PARP4: variants seen among roughly 807,000 people sequenced by gnomAD.
PARP4 encodes the protein poly(ADP-ribose) polymerase family member 4.
PARP4 carries 120 observed loss-of-function variants against 187.7 expected under a neutral mutation model. The ratio of observed to expected loss-of-function variants is 0.64; its 90% CI spans 0.55 to 0.74. PARP4 has a LOEUF of 0.74. Ranked by LOEUF, PARP4 falls within the 30% of genes least tolerant of loss-of-function variation. The pLI, the probability that PARP4 is intolerant of heterozygous loss-of-function variation, is 0.00. For missense variants in PARP4, 1,836 were observed against 2,070.5 expected, an observed-to-expected ratio of 0.89 and a Z score of 2.20; for synonymous variants, 654 against 740.9, an observed-to-expected ratio of 0.88 and a Z score of 1.90.
chr13:24,471,792 C>T (rs1007626539), intron 15 of PARP4, among the ~76,000 whole-genome samples: 3 of 152,156 alleles, frequency 2.0e-5, no homozygotes, highest in Admixed American at 1.3e-4. Flanking sequence ...AGGACACACG[C>T]CTCTCCCTGT....
At chr13:24,490,584 G>C (rs1192108550) in intron 10 of PARP4, 84 bp downstream of exon 10, 4 of 1,022,082 alleles carry the variant, frequency 3.9e-6, no homozygotes, top group African/African-American at 1.6e-5. Flanking sequence ...AGATTATCTA[G>C]GTAATTACTG....
Position 24,453,225 on chromosome 13 carries a change from C to T in PARP4, c.2826+362G>A, listed in dbSNP as rs539375311. Among the ~76,000 whole-genome samples the T allele has an allele frequency of 3.3e-5, 5 of 151,680 alleles. No homozygotes were observed. In the South Asian group the frequency reaches 6.2e-4, roughly 19 times the overall value. ...TGCTGAGATTACAGGTGTGAGACAC[C>T]ACACCCAGCATTTCTTTTTTCTTTC... On this transcript the variant is annotated intron_variant, in intron 23 of 33. Coordinates refer to ENST00000381989, the MANE Select transcript of PARP4 (RefSeq NM_006437.4).
chr13:24,424,882 A>G (rs1869943149), intron 33 of PARP4, among the ~76,000 whole-genome samples: 1 of 150,172 alleles, frequency 6.7e-6, no homozygotes, highest in Non-Finnish European at 1.5e-5. Context: ...ACAGGGTTTC[A>G]CCATGTTAGC....
chr13:24,447,026 T>C lies in PARP4; in HGVS notation c.3275A>G (p.His1092Arg). ...DRLLVYGFIPHCTQATLCALI... is the reference protein window; with the variant it reads ...DRLLVYGFIPRCTQATLCALI... ...TCTGCGTCTTCTTACCTGTGTGCAG[T>C]GAGGAATGAATCCATAGACAAGGAG... The change falls in exon 26 of 34, where the codon CAC becomes CGC. Residue 1092 changes from histidine (H) to arginine (R), a missense_variant. His to Arg is a conservative substitution (Grantham distance 29). Coordinates refer to ENST00000381989, the MANE Select transcript of PARP4 (RefSeq NM_006437.4). 1.3e-6 allele frequency: 2 copies of C among 1,591,402 alleles called. No homozygotes were observed. The highest frequency in any genetic ancestry group is 8.5e-7 in the Non-Finnish European group (1 of 1,171,320).
rs9553299 is a variant in PARP4, at chr13:24,447,954, C to T, written c.3115-768G>A. On this transcript the variant is annotated intron_variant, in intron 25 of 33. Transcript: ENST00000381989. ...GGGCAGAGTGGCTCATGCCTGTAAT[C>T]CCAGCACTTTGGGAGGCCAAGGCAG... Among the ~76,000 whole-genome samples the T allele has an allele frequency of 1.2e-3, 188 of 152,260 alleles. 1 individual carries two copies. The East Asian group carries it at 0.035, about 28-fold the overall frequency.
chr13:24,435,048 T>C lies in PARP4; in HGVS notation c.4093A>G (p.Ser1365Gly). The C allele has an allele frequency of 2.5e-6, 4 of 1,613,996 alleles. No homozygotes were observed. Among genetic ancestry groups the C allele is most frequent in the Non-Finnish European group, 3.4e-6 (4 of 1,180,026 alleles). Residue 1365 changes from serine to glycine, a missense_variant, in exon 31 of 34, where the codon AGC becomes GGC. Physicochemically the swap from Ser to Gly is moderately conservative, Grantham distance 56. Around this residue, in one of 8 missense-constraint regions of PARP4, gnomAD observed 450 missense variants for 439.2 expected, o/e 1.02. Coordinates refer to ENST00000381989, the MANE Select transcript of PARP4 (RefSeq NM_006437.4). Reference protein sequence around the residue: ...PPRQFDASQFSQGPVPGTCAD... With the variant: ...PPRQFDASQFGQGPVPGTCAD... Reference sequence around the variant, plus strand: ...CAAGTGCCAGGCACAGGGCCTTGGCTGAATTGAGATGCATCAAACTGTCTG... The same window carrying C: ...CAAGTGCCAGGCACAGGGCCTTGGCCGAATTGAGATGCATCAAACTGTCTG...
At chr13:24,500,460 G>T in intron 3 of PARP4, 78 bp from the exon 4 acceptor site, 1 of 878,090 alleles carries the variant, frequency 1.1e-6, no homozygotes, top group Non-Finnish European at 1.8e-6. Context: ...TGCTGGAATT[G>T]TTAAGATTCA....
Position 24,435,097 on chromosome 13 carries a change from A to G in PARP4, c.4044T>C (p.Ala1348=). 6.2e-7 allele frequency: 1 copy of G among 1,614,218 alleles called. No individual in the cohort carries two copies. The highest frequency in any genetic ancestry group is 8.5e-7 in the Non-Finnish European group (1 of 1,180,044). The part of the protein sequence containing the change: ...SLSFASYRQV[A]SFGSAAPPRQ... Reference sequence around the variant, plus strand: ...TGGGAGGAGCAGCTGAACCGAAACTAGCTACCTGACGATATGAGGCAAAAG... The same window carrying G: ...TGGGAGGAGCAGCTGAACCGAAACTGGCTACCTGACGATATGAGGCAAAAG... Residue 1348 remains alanine (A), a synonymous_variant, in exon 31 of 34, where the codon GCT becomes GCC. Transcript: ENST00000381989.
intron 32 of PARP4, among the ~76,000 whole-genome samples, chr13:24,429,360 G>A (rs1565985653): frequency 1.3e-5 from 2 of 152,000 alleles, no homozygotes; most frequent in Non-Finnish European, 2.9e-5. Context: ...TGATCATATT[G>A]TCCTGCTTCT....
intron 5 of PARP4, among the ~76,000 whole-genome samples, chr13:24,499,055 T>C (rs1401938435): frequency 6.6e-6 from 1 of 152,110 alleles, no homozygotes; most frequent in African/African-American, 2.4e-5. Context: ...TCCCAGCACT[T>C]TGGGAGGCTA....
intron 12 of PARP4, 79 bp from the exon 13 acceptor site, chr13:24,478,355 G>T: frequency 1.1e-6 from 1 of 898,376 alleles, no homozygotes; most frequent in South Asian, 3.1e-5. Context: ...AGACTTTCCT[G>T]GTAAACTGTT....
chr13:24,509,709 G>C (rs1869895863), intron 1 of PARP4, among the ~76,000 whole-genome samples: 1 of 151,240 alleles, frequency 6.6e-6, no homozygotes, highest in Admixed American at 6.6e-5. Context: ...ATTTTTATTT[G>C]TTTGTTTTTT....
At chr13:24,426,640 C>A in intron 32 of PARP4, 42 bp from the exon 33 acceptor site, 1 of 1,567,736 alleles carries the variant, frequency 6.4e-7, no homozygotes, top group Non-Finnish European at 8.7e-7. Context: ...GGAAACTCTG[C>A]ATCTCAAACT....
intron 24 of PARP4, among the ~76,000 whole-genome samples, chr13:24,451,402 G>A (rs937517386): frequency 6.6e-6 from 1 of 152,212 alleles, no homozygotes; most frequent in African/African-American, 2.4e-5. Context: ...GACAGTGGAG[G>A]ACAAAGAGAA....
rs1264506024 is a variant in PARP4, at chr13:24,428,031, G to T, written c.4847-1433C>A. The stretch of plus-strand genomic sequence containing the variant: ...GAGGGGATGATAAAAGAGAAATGAA[G>T]AAGAGGATAAAAGACAAAGTTGGGT... On this transcript the variant is annotated intron_variant, in intron 32 of 33. Transcript: ENST00000381989. 4.6e-5 allele frequency among the ~76,000 whole-genome samples: 7 copies of T among 152,174 alleles called. No homozygotes were observed. In the East Asian group the frequency reaches 1.2e-3, roughly 25 times the overall value.
intron 20 of PARP4, among the ~76,000 whole-genome samples, chr13:24,458,795 C>T (rs1006809734): frequency 2.6e-5 from 4 of 151,714 alleles, no homozygotes; most frequent in Non-Finnish European, 5.9e-5. Flanking sequence ...CTGAAACAGG[C>T]GAAATCAAGA....
At chr13:24,427,370 CTTT>C (rs35815244) in intron 32 of PARP4, among the ~76,000 whole-genome samples, 2 of 133,584 alleles carry the variant, frequency 1.5e-5, no homozygotes, top group African/African-American at 2.8e-5. Context: ...ATCCAAGCTT[CTTT>C]TTTTTTTTTT....
At position 24,459,533 on chromosome 13, in the gene PARP4, ACACACACACACACG is replaced by A. The variant is rs989681727; in HGVS notation, c.2299-237_2299-224del. The A allele has an allele frequency of 2.7e-4, 65 of 239,420 alleles. 1 individual carries two copies. Among genetic ancestry groups the A allele is most frequent in the African/African-American group, 5.7e-4 (13 of 22,958 alleles). 14.8% of individuals were successfully genotyped at this position (239,420 alleles called of 1,614,324 possible). The stretch of plus-strand genomic sequence containing the variant: ...AAACTCTACATATGTCTGTGTGTAT[ACACACACACACACG>A]CACACACACACACACACACATTTTA... On this transcript the variant is annotated intron_variant, in intron 18 of 33. Coordinates refer to ENST00000381989, the MANE Select transcript of PARP4 (RefSeq NM_006437.4).
chr13:24,437,994 G>T (rs1170061674), intron 30 of PARP4, among the ~76,000 whole-genome samples: 2 of 152,174 alleles, frequency 1.3e-5, no homozygotes, highest in East Asian at 3.8e-4. Context: ...CTGATCTCAG[G>T]TGATCCACCC....
Sources: allele counts gnomAD v4.1 joint callset (sites outside exome capture counted in the v4.1 genomes callset), GRCh38; gene constraint gnomAD v4.1.1; regional missense constraint gnomAD v4.1.1; transcripts MANE v1.5; gene names NCBI Gene and HGNC (gene_info 2026-07-23, HGNC 2026-07-21).